Variants in NHSL3 observed in about 807,000 individuals in gnomAD.
The protein encoded by NHSL3 is NHS-like protein 3.
the NHSL3 span, among the ~76,000 whole-genome samples, chr1:32,742,557 A>G: frequency 6.6e-6 from 1 of 152,220 alleles, no homozygotes; most frequent in East Asian, 1.9e-4. Flanking sequence ...CCTGTGGCCA[A>G]TGGGAGAGAC....
the NHSL3 span, among the ~76,000 whole-genome samples, chr1:32,762,137 G>C: frequency 6.7e-4 from 102 of 152,156 alleles, 1 homozygote; most frequent in Non-Finnish European, 1.2e-3. Flanking sequence ...TTGTTGATGT[G>C]ACTATTCAGC....
the NHSL3 span, among the ~76,000 whole-genome samples, chr1:32,757,571 G>A: frequency 6.6e-6 from 1 of 152,138 alleles, no homozygotes; most frequent in Non-Finnish European, 1.5e-5. Flanking sequence ...GTGGGCTTCT[G>A]TGCTTGAGGC....
the NHSL3 span, chr1:32,754,139 G>A: frequency 1.4e-6 from 1 of 712,090 alleles, no homozygotes. Context: ...CCCCGGGTCC[G>A]CAGCTTCTGG....
the NHSL3 span, among the ~76,000 whole-genome samples, chr1:32,747,717 C>T: frequency 6.6e-6 from 1 of 151,798 alleles, no homozygotes; most frequent in African/African-American, 2.4e-5. Flanking sequence ...AATCCCAGCA[C>T]TTTGGGAGGC....
chr1:32,742,995 T>C, the NHSL3 span, among the ~76,000 whole-genome samples: 1 of 152,234 alleles, frequency 6.6e-6, no homozygotes, highest in African/African-American at 2.4e-5. Flanking sequence ...GGGCTCCTCC[T>C]CTGGCCTGGA....
the NHSL3 span, among the ~76,000 whole-genome samples, chr1:32,767,067 G>C: frequency 6.6e-6 from 1 of 152,142 alleles, no homozygotes. Context: ...GGACCCAGGA[G>C]GCTATCTCCT....
chr1:32,773,233 AT>A, the NHSL3 span: 68 of 366,720 alleles, frequency 1.9e-4, no homozygotes, highest in South Asian at 3.8e-4. Flanking sequence ...CCTGAGTTTC[AT>A]TTTTTTTCAT....
the NHSL3 span, among the ~76,000 whole-genome samples, chr1:32,752,904 C>T: frequency 2.5e-4 from 1 of 4,022 alleles, no homozygotes; most frequent in African/African-American, 6.6e-4. Flanking sequence ...AAAACATGCA[C>T]ACACACACAC....
chr1:32,759,658 G>A, the NHSL3 span, among the ~76,000 whole-genome samples: 1 of 152,214 alleles, frequency 6.6e-6, no homozygotes, highest in Non-Finnish European at 1.5e-5. Flanking sequence ...AGGGAAGGAA[G>A]GAGAGGGATT....
the NHSL3 span, chr1:32,753,878 G>A: frequency 5.1e-6 from 1 of 195,904 alleles, no homozygotes; most frequent in East Asian, 1.4e-4. Flanking sequence ...GAGGGGCGGA[G>A]CCGACGGGAT....
At chr1:32,762,199 G>A in the NHSL3 span, among the ~76,000 whole-genome samples, 6 of 152,306 alleles carry the variant, frequency 3.9e-5, no homozygotes, top group African/African-American at 1.4e-4. Flanking sequence ...TACTTGAGTA[G>A]TCTCCAAGAG....
At chr1:32,758,823 G>A in the NHSL3 span, among the ~76,000 whole-genome samples, 9 of 151,982 alleles carry the variant, frequency 5.9e-5, no homozygotes, top group African/African-American at 2.2e-4. Context: ...AAGGGGAAAT[G>A]AAAGCTCCAA....
chr1:32,771,825 G>A, the NHSL3 span: 2 of 1,611,390 alleles, frequency 1.2e-6, no homozygotes, highest in South Asian at 1.1e-5. Context: ...TCACGCCCTC[G>A]CTCCTGCAGA....
chr1:32,748,378 C>G, the NHSL3 span, among the ~76,000 whole-genome samples: 1 of 152,108 alleles, frequency 6.6e-6, no homozygotes, highest in Non-Finnish European at 1.5e-5. Flanking sequence ...TAGATAGTTC[C>G]AAAGCAGTCA....
At chr1:32,747,296 CT>C in the NHSL3 span, among the ~76,000 whole-genome samples, 27 of 151,870 alleles carry the variant, frequency 1.8e-4, no homozygotes, top group African/African-American at 6.3e-4. Context: ...AGCGATTCTT[CT>C]GCTTCAGCCT....
At chr1:32,748,484 C>T in the NHSL3 span, among the ~76,000 whole-genome samples, 1 of 152,264 alleles carries the variant, frequency 6.6e-6, no homozygotes, top group East Asian at 1.9e-4. Context: ...TTTTCCCCTT[C>T]TGTGTCAGTT....
At chr1:32,755,164 G>T in the NHSL3 span, among the ~76,000 whole-genome samples, 3 of 152,246 alleles carry the variant, frequency 2.0e-5, no homozygotes, top group Non-Finnish European at 4.4e-5. Flanking sequence ...TGAAGGAGGG[G>T]CTATCGAGAG....
chr1:32,772,968 A>G, the NHSL3 span: 1 of 1,393,836 alleles, frequency 7.2e-7, no homozygotes, highest in South Asian at 1.2e-5. Flanking sequence ...GGACGAGAGG[A>G]TACAGCAGAC....
At chr1:32,763,674 C>T in the NHSL3 span, among the ~76,000 whole-genome samples, 2 of 151,914 alleles carry the variant, frequency 1.3e-5, no homozygotes, top group African/African-American at 2.4e-5. Flanking sequence ...CGGGTTCAAG[C>T]GATTCTCCTG....
Sources: allele counts gnomAD v4.1 joint callset (sites outside exome capture counted in the v4.1 genomes callset), GRCh38; gene constraint gnomAD v4.1.1; transcripts MANE v1.5; gene names NCBI Gene and HGNC (gene_info 2026-07-23, HGNC 2026-07-21).